The following DPYD variants were observed in gnomAD, a reference collection of about 807,000 sequenced individuals.
The protein encoded by DPYD is dihydropyrimidine dehydrogenase.
Under a neutral mutation model 116.2 loss-of-function variants are expected in DPYD, and 109 were observed. The observed-to-expected ratio is 0.94, with a 90% CI of 0.80 to 1.10. DPYD has a LOEUF of 1.10. Ranked by LOEUF, DPYD falls within the 50% of genes least tolerant of loss-of-function variation. The pLI is 0.00. For synonymous variants in DPYD, 440 were observed against 432.0 expected (o/e 1.02, Z -0.23); for missense variants, 1,302 against 1,254.5 (o/e 1.04, Z -0.57).
chr1:97,655,386 T>C (rs866952435), intron 8 of DPYD, among the ~76,000 whole-genome samples: 2 of 152,180 alleles, frequency 1.3e-5, no homozygotes. Context: ...TCCTACTCTG[T>C]TAAGCCTCAA....
intron 14 of DPYD, among the ~76,000 whole-genome samples, chr1:97,392,122 T>C (rs1316635207): frequency 2.0e-5 from 3 of 152,056 alleles, no homozygotes; most frequent in Admixed American, 6.6e-5. Context: ...CTCGAAGATA[T>C]TGCAGGTTTG....
At chr1:97,315,529 CTG>C (rs1667779857) in intron 16 of DPYD, among the ~76,000 whole-genome samples, 2 of 151,952 alleles carry the variant, frequency 1.3e-5, no homozygotes, top group African/African-American at 4.8e-5. Context: ...AACTCCCTCT[CTG>C]TGTCTGATTC....
At chr1:97,134,014 A>AAAAT (rs1653573714) in intron 20 of DPYD, among the ~76,000 whole-genome samples, 2 of 18,818 alleles carry the variant, frequency 1.1e-4, no homozygotes, top group African/African-American at 4.0e-4. Flanking sequence ...AAAAAAAAAA[A>AAAAT]ATATATATAT....
At chr1:97,333,694 TG>T (rs1306870745) in intron 16 of DPYD, among the ~76,000 whole-genome samples, 1 of 147,742 alleles carries the variant, frequency 6.8e-6, no homozygotes, top group African/African-American at 2.5e-5. Context: ...CTAATTTTTT[TG>T]TATTTTAGTA....
At chr1:97,388,490 TGTC>T (rs1415986717) in intron 14 of DPYD, among the ~76,000 whole-genome samples, 1 of 152,084 alleles carries the variant, frequency 6.6e-6, no homozygotes, top group Non-Finnish European at 1.5e-5. Context: ...GAGAGTGTGA[TGTC>T]GTGCCAAGAG....
At chr1:97,709,500 G>A (rs1271124938) in intron 5 of DPYD, among the ~76,000 whole-genome samples, 1 of 151,530 alleles carries the variant, frequency 6.6e-6, no homozygotes, top group African/African-American at 2.4e-5. Flanking sequence ...TTCATCCTGT[G>A]ATTTCTCATC....
chr1:97,394,223 T>C (rs1031101922), intron 14 of DPYD: 72 of 152,104 alleles, frequency 4.7e-4, no homozygotes, highest in African/African-American at 1.6e-3. Context: ...TTGTAAAAAT[T>C]TTCTCCCATT....
intron 14 of DPYD, among the ~76,000 whole-genome samples, chr1:97,395,718 G>A (rs1672973236): frequency 6.6e-6 from 1 of 152,010 alleles, no homozygotes; most frequent in African/African-American, 2.4e-5. Context: ...CTGATTTTGT[G>A]ACTTGTTTTA....
chr1:97,380,460 A>G (rs1406794895), intron 15 of DPYD, among the ~76,000 whole-genome samples: 1 of 152,214 alleles, frequency 6.6e-6, no homozygotes, highest in African/African-American at 2.4e-5. Flanking sequence ...AATATAGAAC[A>G]TGAAATGCAT....
intron 14 of DPYD, among the ~76,000 whole-genome samples, chr1:97,393,253 C>G (rs924202136): frequency 7.9e-5 from 12 of 151,716 alleles, no homozygotes; most frequent in Non-Finnish European, 1.6e-4. Flanking sequence ...CACTTGAACA[C>G]TTAGAGGCCA....
intron 2 of DPYD, among the ~76,000 whole-genome samples, chr1:97,881,248 C>T (rs924211224): frequency 4.0e-5 from 6 of 151,840 alleles, no homozygotes. Flanking sequence ...CCAATATAGC[C>T]GATGTCCTTA....
chr1:97,405,836 T>C (rs1375496952), intron 14 of DPYD, among the ~76,000 whole-genome samples: 1 of 152,134 alleles, frequency 6.6e-6, no homozygotes, highest in Non-Finnish European at 1.5e-5. Flanking sequence ...CTTCAAATAT[T>C]TAACTCCAGT....
intron 5 of DPYD, chr1:97,720,579 G>C (rs1662866648): frequency 9.2e-7 from 1 of 1,089,584 alleles, no homozygotes; most frequent in African/African-American, 1.7e-5. Context: ...AGCAGGAAGG[G>C]AATAACCCTG....
At chr1:97,656,035 T>C (rs1312634994) in intron 8 of DPYD, among the ~76,000 whole-genome samples, 1 of 152,204 alleles carries the variant, frequency 6.6e-6, no homozygotes, top group Non-Finnish European at 1.5e-5. Context: ...TCAAAATACC[T>C]ACATTTCCTG....
rs115298847 is a variant in DPYD, at chr1:97,809,799, G to A, written c.233+18315C>T. On this transcript the variant is annotated intron_variant, in intron 3 of 22. Transcript: ENST00000370192. ...AAGGAATAGAGGCCAGCTACTGAAC[G>A]CCTCATCTATGTAGGTTATTGAATT... 4.4e-3 allele frequency among the ~76,000 whole-genome samples: 672 copies of A among 152,128 alleles called. 2 individuals carry two copies. Among genetic ancestry groups the A allele is most frequent in the Non-Finnish European group, 6.0e-3 (407 of 67,998 alleles).
intron 20 of DPYD, among the ~76,000 whole-genome samples, chr1:97,163,198 T>C (rs183684666): frequency 4.6e-5 from 7 of 152,220 alleles, no homozygotes; most frequent in Admixed American, 2.0e-4. Context: ...ACAGGCGACC[T>C]ACAAAATGGG....
intron 11 of DPYD, among the ~76,000 whole-genome samples, chr1:97,558,460 G>A (rs759167709): frequency 3.3e-5 from 5 of 152,042 alleles, no homozygotes; most frequent in Admixed American, 2.0e-4. Context: ...TCATCATGTG[G>A]AGAAAAAGTA....
intron 11 of DPYD, among the ~76,000 whole-genome samples, chr1:97,550,981 T>C (rs1651276548): frequency 6.6e-6 from 1 of 152,182 alleles, no homozygotes; most frequent in South Asian, 2.1e-4. Flanking sequence ...TTACTGTTGA[T>C]TGTGTTTTTC....
At chr1:97,661,929 A>C (rs1381695049) in intron 8 of DPYD, among the ~76,000 whole-genome samples, 2 of 151,002 alleles carry the variant, frequency 1.3e-5, no homozygotes, top group African/African-American at 4.9e-5. Flanking sequence ...CATAATATCA[A>C]GTTTTATTTT....
Sources: allele counts gnomAD v4.1 joint callset (sites outside exome capture counted in the v4.1 genomes callset), GRCh38; gene constraint gnomAD v4.1.1; transcripts MANE v1.5; gene names NCBI Gene and HGNC (gene_info 2026-07-23, HGNC 2026-07-21).